ITFG1: variants seen among roughly 807,000 people sequenced by gnomAD.
The protein encoded by ITFG1 is T-cell immunomodulatory protein.
A neutral mutation model predicts 81.8 loss-of-function variants in ITFG1; 34 were observed. The ratio of observed to expected loss-of-function variants is 0.42; its 90% confidence interval spans 0.32 to 0.55. ITFG1 has a LOEUF of 0.55. Ranked by LOEUF, ITFG1 falls within the 20% of genes least tolerant of loss-of-function variation. ITFG1 has a pLI of 0.17. For missense variants in ITFG1, 672 were observed against 755.4 expected, an observed-to-expected ratio of 0.89 and a Z score of 1.29; for synonymous variants, 285 against 270.6, an observed-to-expected ratio of 1.05 and a Z score of -0.52.
intron 10 of ITFG1, among the ~76,000 whole-genome samples, chr16:47,265,931 A>G (rs2151544166): frequency 6.6e-6 from 1 of 152,298 alleles, no homozygotes; most frequent in East Asian, 1.9e-4. Context: ...CAAAAAGACA[A>G]CCCACAAAAT....
intron 5 of ITFG1, among the ~76,000 whole-genome samples, chr16:47,429,985 T>C (rs758176915): frequency 6.6e-6 from 1 of 151,880 alleles, no homozygotes; most frequent in Non-Finnish European, 1.5e-5. Context: ...GAGTTCTTTA[T>C]ATAATCTGGG....
At chr16:47,454,287 C>G (rs569717950) in intron 2 of ITFG1, 129 bp from the exon 3 acceptor site, 1 of 755,486 alleles carries the variant, frequency 1.3e-6, no homozygotes, top group East Asian at 2.5e-5. Flanking sequence ...ATTGCCTTCT[C>G]TTTCCTATCT....
At chr16:47,240,347 T>A (rs1004194676) in intron 12 of ITFG1, among the ~76,000 whole-genome samples, 1 of 145,136 alleles carries the variant, frequency 6.9e-6, no homozygotes, top group Non-Finnish European at 1.5e-5. Flanking sequence ...TGGTGCTGGA[T>A]AATTGGTTAC....
rs187323479 is a variant in ITFG1 at position 47,261,304 on chromosome 16, G to C, written c.1071-609C>G. Among the ~76,000 whole-genome samples, 7 of 152,304 alleles carry C rather than the reference G, an allele frequency of 4.6e-5. No individual in the cohort carries two copies. In the East Asian group the frequency reaches 1.2e-3, roughly 25 times the overall value. On this transcript the variant is annotated intron_variant, in intron 10 of 17. Transcript: ENST00000320640. ...TGTTATTTAGCAGCTCTGTGGCCTT[G>C]AGTGAGTTATTTAACCTCTAAGACT...
chr16:47,453,889 A>G (rs1969418943), intron 3 of ITFG1, 124 bp downstream of exon 3: 2 of 672,808 alleles, frequency 3.0e-6, no homozygotes, highest in Non-Finnish European at 4.9e-6. Flanking sequence ...ATAAACTTTG[A>G]AAAAAGGTTT....
At chr16:47,182,884 G>C (rs1172447106) in intron 14 of ITFG1, among the ~76,000 whole-genome samples, 1 of 152,228 alleles carries the variant, frequency 6.6e-6, no homozygotes, top group Non-Finnish European at 1.5e-5. Flanking sequence ...GGGAGTGCCA[G>C]ACGGTGGGTG....
At chr16:47,299,032 G>T (rs1596871055) in intron 10 of ITFG1, among the ~76,000 whole-genome samples, 1 of 152,042 alleles carries the variant, frequency 6.6e-6, no homozygotes, top group African/African-American at 2.4e-5. Context: ...GGTGGTGGGG[G>T]AGTCCTCAGG....
chr16:47,317,774 T>C (rs1216863980), intron 8 of ITFG1: 2 of 152,238 alleles, frequency 1.3e-5, no homozygotes, highest in Non-Finnish European at 2.9e-5. Context: ...GTCTTGATCA[T>C]GTTTCTTCAT....
intron 2 of ITFG1, among the ~76,000 whole-genome samples, chr16:47,455,903 G>C (rs1389814302): frequency 1.3e-5 from 2 of 151,576 alleles, no homozygotes; most frequent in Non-Finnish European, 2.9e-5. Flanking sequence ...AGGAATAAAG[G>C]ATGAACCCAG....
intron 13 of ITFG1, among the ~76,000 whole-genome samples, chr16:47,225,083 C>G (rs192932342): frequency 6.6e-6 from 1 of 152,074 alleles, no homozygotes; most frequent in Admixed American, 6.6e-5. Flanking sequence ...TGTCTCACCA[C>G]AGTAACAATA....
intron 17 of ITFG1, among the ~76,000 whole-genome samples, chr16:47,158,523 A>G (rs1421478030): frequency 6.6e-6 from 1 of 152,216 alleles, no homozygotes; most frequent in Non-Finnish European, 1.5e-5. Context: ...TTATCAGTAC[A>G]TACTGAACAC....
intron 13 of ITFG1, among the ~76,000 whole-genome samples, chr16:47,223,608 C>T (rs1183680951): frequency 1.3e-5 from 2 of 152,148 alleles, no homozygotes; most frequent in East Asian, 1.9e-4. Context: ...CACTTTTACA[C>T]TGTTGGTGGG....
At chr16:47,322,545 C>A (rs1273098051) in intron 8 of ITFG1, among the ~76,000 whole-genome samples, 1 of 152,060 alleles carries the variant, frequency 6.6e-6, no homozygotes, top group African/African-American at 2.4e-5. Context: ...AAAAAGTTAG[C>A]CAGGCATGGT....
chr16:47,197,372 A>G (rs971749362), intron 14 of ITFG1, among the ~76,000 whole-genome samples: 3 of 152,104 alleles, frequency 2.0e-5, no homozygotes, highest in Non-Finnish European at 4.4e-5. Flanking sequence ...TTTTAGCTTA[A>G]CTCTTTCAAC....
intron 12 of ITFG1, among the ~76,000 whole-genome samples, chr16:47,253,964 A>T (rs559877037): frequency 4.6e-5 from 7 of 152,242 alleles, no homozygotes; most frequent in Admixed American, 1.3e-4. Flanking sequence ...AACAATTTTT[A>T]AAAAATTCAA....
chr16:47,438,930 A>C (rs942686395), intron 5 of ITFG1, among the ~76,000 whole-genome samples: 1 of 152,026 alleles, frequency 6.6e-6, no homozygotes, highest in African/African-American at 2.4e-5. Flanking sequence ...GAAGCTCAAA[A>C]CTTTGAAAAA....
chr16:47,380,074 T>C (rs1297802345), intron 6 of ITFG1, among the ~76,000 whole-genome samples: 1 of 136,400 alleles, frequency 7.3e-6, no homozygotes, highest in African/African-American at 2.8e-5. Context: ...AAAAAAGAGG[T>C]TCTCACATCC....
At chr16:47,430,151 G>A (rs1345910123) in intron 5 of ITFG1, among the ~76,000 whole-genome samples, 2 of 150,536 alleles carry the variant, frequency 1.3e-5, no homozygotes, top group East Asian at 3.9e-4. Flanking sequence ...TCCGCCTCCA[G>A]GGTTCAAGCG....
rs58232411 is a variant in ITFG1, at chr16:47,421,270, GCACACACA to G, written c.655+7526_655+7533del. On this transcript the variant is annotated intron_variant, in intron 6 of 17. Transcript: ENST00000320640. ...TATACACACATATATACATACATAT[GCACACACA>G]CACACACACACACACACACACACAC... 3.5e-4 allele frequency among the ~76,000 whole-genome samples: 45 copies of G among 130,024 alleles called. No individual in the cohort carries two copies. The South Asian group carries it at 7.8e-3, about 23-fold the overall frequency. 85.3% of individuals were successfully genotyped at this position (130,024 alleles called of 152,430 possible).
Sources: gnomAD v4.1 joint callset for allele counts (sites outside exome capture counted in the v4.1 genomes callset) on GRCh38, gnomAD v4.1.1 for gene constraint, MANE v1.5 for transcripts, NCBI Gene and HGNC (gene_info 2026-07-23, HGNC 2026-07-21) for gene names.